Variants in UNC5D observed in about 807,000 individuals in gnomAD.
The protein encoded by UNC5D is unc-5 netrin receptor D, also known as netrin receptor UNC5D.
In UNC5D, 39 loss-of-function variants were observed where a neutral mutation model predicts 105.4. The ratio of observed to expected loss-of-function variants is 0.37; its 90% CI spans 0.29 to 0.48. The LOEUF is 0.48. Among genes scored for constraint, UNC5D ranks in the 20% least tolerant of loss-of-function variants. UNC5D has a pLI of 0.98. For synonymous variants in UNC5D, 452 were observed against 450.4 expected (o/e 1.00, Z -0.04); for missense variants, 991 against 1,202.4 (o/e 0.82, Z 2.60).
At chr8:35,722,914 C>T (rs1222973850) in intron 9 of UNC5D, among the ~76,000 whole-genome samples, 3 of 152,088 alleles carry the variant, frequency 2.0e-5, no homozygotes, top group Non-Finnish European at 2.9e-5. Context: ...CCAGCCGAAA[C>T]GACTCTCAGC....
chr8:35,509,450 T>C (rs993203645), intron 1 of UNC5D, among the ~76,000 whole-genome samples: 1 of 30,932 alleles, frequency 3.2e-5, no homozygotes, highest in East Asian at 1.0e-3. Flanking sequence ...CAAATATAGA[T>C]CCCTGTACAA....
intron 1 of UNC5D, among the ~76,000 whole-genome samples, chr8:35,463,317 A>G (rs988059951): frequency 8.5e-5 from 13 of 152,176 alleles, no homozygotes; most frequent in African/African-American, 3.1e-4. Context: ...GCAAATTTGA[A>G]GTCTCTAGAG....
chr8:35,774,609 T>C, intron 16 of UNC5D, 132 bp downstream of exon 16: 2 of 1,197,982 alleles, frequency 1.7e-6, no homozygotes, highest in South Asian at 1.6e-5. Context: ...TCCTGTGTGT[T>C]CCCACTAAGT....
At chr8:35,534,600 T>A (rs576829883) in intron 1 of UNC5D, among the ~76,000 whole-genome samples, 1 of 151,608 alleles carries the variant, frequency 6.6e-6, no homozygotes, top group East Asian at 2.0e-4. Flanking sequence ...TCAAAATAGC[T>A]CTGTTTACTC....
chr8:35,596,261 T>G (rs1819485998), intron 4 of UNC5D, among the ~76,000 whole-genome samples: 1 of 152,228 alleles, frequency 6.6e-6, no homozygotes, highest in Non-Finnish European at 1.5e-5. Context: ...TTGAATGTTT[T>G]CTAGAACTTC....
chr8:35,438,070 C>T (rs1404187417), intron 1 of UNC5D, among the ~76,000 whole-genome samples: 3 of 151,638 alleles, frequency 2.0e-5, no homozygotes, highest in African/African-American at 7.3e-5. Context: ...ATTTGGAAGC[C>T]ACCCTTTGTC....
intron 1 of UNC5D, among the ~76,000 whole-genome samples, chr8:35,498,473 C>T (rs1430555034): frequency 6.6e-6 from 1 of 151,876 alleles, no homozygotes; most frequent in Non-Finnish European, 1.5e-5. Context: ...AGGAAACATG[C>T]AAAGTTATAT....
intron 1 of UNC5D, among the ~76,000 whole-genome samples, chr8:35,498,964 C>A (rs1046182673): frequency 1.3e-5 from 2 of 152,064 alleles, no homozygotes; most frequent in African/African-American, 2.4e-5. Context: ...AAATGGAACC[C>A]AACCAATTCA....
intron 4 of UNC5D, among the ~76,000 whole-genome samples, chr8:35,652,931 T>TA: frequency 7.0e-6 from 1 of 142,372 alleles, no homozygotes; most frequent in African/African-American, 2.7e-5. Flanking sequence ...TTTTTTTTTT[T>TA]TTTTTTTTTT....
At chr8:35,732,640 TATC>T (rs879491017) in intron 11 of UNC5D, among the ~76,000 whole-genome samples, 6 of 152,106 alleles carry the variant, frequency 3.9e-5, no homozygotes, top group Non-Finnish European at 5.9e-5. Context: ...CTTTAAAACA[TATC>T]ATGCTGCAAA....
chr8:35,280,156 T>C (rs962117928), intron 1 of UNC5D, among the ~76,000 whole-genome samples: 1 of 152,042 alleles, frequency 6.6e-6, no homozygotes, highest in Admixed American at 6.6e-5. Flanking sequence ...CCACCACACC[T>C]CACTAATTTT....
At chr8:35,454,597 TC>T (rs1808365754) in intron 1 of UNC5D, among the ~76,000 whole-genome samples, 1 of 152,102 alleles carries the variant, frequency 6.6e-6, no homozygotes, top group African/African-American at 2.4e-5. Flanking sequence ...CTATTAGTTT[TC>T]CCATATATAT....
At chr8:35,725,904 G>A (rs1828833661) in intron 9 of UNC5D, among the ~76,000 whole-genome samples, 1 of 152,138 alleles carries the variant, frequency 6.6e-6, no homozygotes, top group South Asian at 2.1e-4. Flanking sequence ...AAGATAGCAC[G>A]GAAAGATCTC....
At chr8:35,349,881 A>T (rs1346018758) in intron 1 of UNC5D, among the ~76,000 whole-genome samples, 2 of 151,968 alleles carry the variant, frequency 1.3e-5, no homozygotes, top group East Asian at 3.9e-4. Flanking sequence ...TTTCTGCTGC[A>T]AGTAACTGGC....
intron 1 of UNC5D, among the ~76,000 whole-genome samples, chr8:35,282,800 C>T (rs538196333): frequency 9.9e-5 from 15 of 151,212 alleles, no homozygotes; most frequent in African/African-American, 3.2e-4. Flanking sequence ...CATCAGCTAA[C>T]GGAAAGTCAG....
intron 1 of UNC5D, among the ~76,000 whole-genome samples, chr8:35,519,080 C>G (rs964194248): frequency 6.6e-6 from 1 of 152,102 alleles, no homozygotes; most frequent in Non-Finnish European, 1.5e-5. Flanking sequence ...TAATCCCATA[C>G]GATGATTTAA....
chr8:35,573,475 A>T (rs751734836), intron 3 of UNC5D, among the ~76,000 whole-genome samples: 1 of 152,000 alleles, frequency 6.6e-6, no homozygotes, highest in Non-Finnish European at 1.5e-5. Flanking sequence ...AAAAGAAAAG[A>T]AAAAAAAGTT....
chr8:35,406,881 C>T (rs1046385290), intron 1 of UNC5D, among the ~76,000 whole-genome samples: 4 of 152,052 alleles, frequency 2.6e-5, no homozygotes, highest in African/African-American at 4.8e-5. Flanking sequence ...AGAAGAATTA[C>T]ATAATGTGTG....
intron 1 of UNC5D, among the ~76,000 whole-genome samples, chr8:35,477,753 A>G (rs1321189284): frequency 9.9e-5 from 15 of 152,154 alleles, no homozygotes; most frequent in Admixed American, 9.8e-4. Context: ...CCACTAGTTA[A>G]CACTCAGTGG....
Sources: allele counts gnomAD v4.1 joint callset (sites outside exome capture counted in the v4.1 genomes callset), GRCh38; gene constraint gnomAD v4.1.1; transcripts MANE v1.5; gene names NCBI Gene and HGNC (gene_info 2026-07-23, HGNC 2026-07-21).